Variants in E2F8 observed in about 807,000 individuals in gnomAD.
E2F8 encodes the protein transcription factor E2F8.
Under a neutral mutation model 80.8 loss-of-function variants are expected in E2F8, and 35 were observed. The ratio of observed to expected loss-of-function variants is 0.43; its 90% CI spans 0.33 to 0.57. The LOEUF (loss-of-function observed/expected upper bound fraction) is 0.57. Ranked by LOEUF, E2F8 falls within the 20% of genes least tolerant of loss-of-function variation. The probability of loss-of-function intolerance (pLI) is 0.04; values close to 1 mark genes in which losing one functional copy is unlikely to be tolerated. For missense variants in E2F8, 975 were observed against 1,056.2 expected, an observed-to-expected ratio of 0.92 and a Z score of 1.07; for synonymous variants, 386 against 395.0, an observed-to-expected ratio of 0.98 and a Z score of 0.27.
In E2F8 at chr11:19,238,153, A is replaced by G. The variant is rs764600670; in HGVS notation, c.16-21T>C. ...TTTTCCTGGTTTAAAAAATGTAAAT[A>G]ATTAAATCCATGGTAAAACAGGATT... On this transcript the variant is annotated intron_variant, in intron 2 of 12. Transcript: ENST00000250024. 1.9e-6 allele frequency: 3 copies of G among 1,589,206 alleles called. No individual in the cohort carries two copies. In the South Asian group the frequency reaches 3.5e-5, roughly 18 times the overall value.
At position 19,229,849 on chromosome 11, in the gene E2F8, T is replaced by A. The variant is rs1851328966; in HGVS notation, c.1498A>T (p.Ile500Phe). 1 of 1,613,752 alleles carries A rather than the reference T, an allele frequency of 6.2e-7. No homozygotes were observed. The highest frequency in any genetic ancestry group is 1.7e-5 in the Admixed American group (1 of 59,968). The change falls in exon 10 of 13, where the codon ATC (isoleucine) becomes TTC (phenylalanine). Residue 500 changes from isoleucine (I) to phenylalanine (F), a missense_variant. Ile to Phe is a conservative substitution (Grantham distance 21, BLOSUM62 0). Coordinates refer to ENST00000250024, the MANE Select transcript of E2F8 (RefSeq NM_024680.4). This position sits in a 1 kb window ranked among gnomAD's most constrained non-coding sequence, Gnocchi z 4.3. ...ACTGCTGATGACAAGGGGCTGGGGA[T>A]CAGGGGAACCATTCCCAGGGGCTGG... is the stretch of plus-strand genomic sequence containing the variant. ...LIQPLGMVPL[I>F]PSPLSSAVPL...
At position 19,224,614 on chromosome 11, in the gene E2F8, T is replaced by C; in HGVS notation, c.*44A>G. On this transcript the variant is annotated 3_prime_UTR_variant, in exon 13 of 13. Coordinates refer to ENST00000250024, the MANE Select transcript of E2F8 (RefSeq NM_024680.4). Reference sequence around the variant, plus strand: ...AATCAGTCTGTGTACATTTTCTCTATTAAACAACTCTTTAGAAAATTAAAC... The same window carrying C: ...AATCAGTCTGTGTACATTTTCTCTACTAAACAACTCTTTAGAAAATTAAAC... The C allele has an allele frequency of 1.3e-6, 2 of 1,596,802 alleles. No individual in the cohort carries two copies. The highest frequency in any genetic ancestry group is 1.7e-6 in the Non-Finnish European group (2 of 1,166,884).
intron 1 of E2F8, 54 bp from the exon 2 acceptor site, chr11:19,240,284 CT>C (rs376301780): frequency 2.4e-6 from 1 of 408,784 alleles, no homozygotes; most frequent in Non-Finnish European, 4.4e-6. Context: ...ACCAAAAGAT[CT>C]GTTGAAAATT....
At chr11:19,236,383 T>C (rs915949913) in intron 4 of E2F8, among the ~76,000 whole-genome samples, 2 of 152,244 alleles carry the variant, frequency 1.3e-5, no homozygotes, top group Non-Finnish European at 2.9e-5. Flanking sequence ...TAGCATGTAT[T>C]ATCCTTACTT....
In E2F8 at chr11:19,234,423, C is replaced by A. The variant is rs1053711982; in HGVS notation, c.865G>T (p.Val289Phe). 1.2e-6 allele frequency: 2 copies of A among 1,614,076 alleles called. No individual in the cohort carries two copies. Among genetic ancestry groups the A allele is most frequent in the African/African-American group, 2.7e-5 (2 of 74,938 alleles). ...TCCCCAATTAAAATCTTGGCAGCAA[C>A]TTCTAGGCTTACTATCTGAGGCGTT... ...VSTPQIVSLE[V>F]AAKILIGEDH... is the part of the protein sequence containing the mutation. The change falls in exon 6 of 13, where the codon GTT becomes TTT. Residue 289 changes from valine (V) to phenylalanine (F), a missense_variant. Transcript: ENST00000250024.
chr11:19,237,853 C>A lies in E2F8; in HGVS notation c.294+1G>T. On this transcript the variant is annotated splice_donor_variant, in intron 3 of 12. Coordinates refer to ENST00000250024, the MANE Select transcript of E2F8 (RefSeq NM_024680.4). LOFTEE classifies it high-confidence loss of function. ...CTCCAACCAGTCCTCTGAAAACCTA[C>A]GTGTATACAGTCTTTGGCCTCAGGT... 1 of 1,611,650 alleles carries A rather than the reference C, an allele frequency of 6.2e-7. No individual in the cohort carries two copies. The highest frequency in any genetic ancestry group is 8.5e-7 in the Non-Finnish European group (1 of 1,178,428).
Position 19,229,575 on chromosome 11 carries a change from G to A in E2F8, c.1772C>T (p.Ala591Val), listed in dbSNP as rs756977953. ...AGCTGGCTCCCTGGTTCGGCTCTTT[G>A]CCCCTTGCCTCTCTGGTGCTGGCAG... ...SLLPAPERQGAKSRTREPAGE... is the reference protein window; with the variant it reads ...SLLPAPERQGVKSRTREPAGE... Residue 591 changes from alanine (A) to valine (V), a missense_variant, in exon 10 of 13, where the codon GCA (alanine) becomes GTA (valine). Transcript: ENST00000250024. This position sits in a 1 kb window ranked among gnomAD's most constrained non-coding sequence, Gnocchi z 4.3. The A allele has an allele frequency of 3.1e-6, 5 of 1,614,146 alleles. No homozygotes were observed. The highest frequency in any genetic ancestry group is 4.2e-6 in the Non-Finnish European group (5 of 1,180,022).
At chr11:19,239,681 C>T (rs771091968) in intron 2 of E2F8, among the ~76,000 whole-genome samples, 2 of 149,758 alleles carry the variant, frequency 1.3e-5, no homozygotes, top group East Asian at 2.0e-4. Flanking sequence ...ATGAAACTAA[C>T]GAATTTTTGA....
At position 19,238,130 on chromosome 11, in the gene E2F8, T is replaced by C. The variant is rs1299532157; in HGVS notation, c.18A>G (p.Glu6=). 1 of 1,599,506 alleles carries C rather than the reference T, an allele frequency of 6.3e-7. No individual in the cohort carries two copies. The highest frequency in any genetic ancestry group is 1.8e-5 in the Admixed American group (1 of 56,556). ...TTTTATGTGGCTCACAAAAGAGATT[T>C]TCCTGGTTTAAAAAATGTAAATAAT... MENEK[E]NLFCEPHKRG... Residue 6 remains glutamate, a splice_region_variant and synonymous_variant, in exon 3 of 13, where the codon GAA becomes GAG. Transcript: ENST00000250024.
At chr11:19,240,326 G>A (rs557762255) in intron 1 of E2F8, 96 bp from the exon 2 acceptor site, 5 of 357,896 alleles carry the variant, frequency 1.4e-5, no homozygotes, top group African/African-American at 4.2e-5. Flanking sequence ...CGGAAACAAA[G>A]CCTAACGAAA....
Position 19,232,334 on chromosome 11 carries a change from C to T in E2F8, c.966G>A (p.Leu322=), listed in dbSNP as rs1851404582. ...IRRLYDIANV[L]SSLDLIKKVH... is the part of the protein sequence containing the mutation. ...CTTTCTTGATAAGATCCAGGCTACT[C>T]AGAACATTAGCTATATCATACAACC... Residue 322 remains leucine (L), a synonymous_variant, in exon 7 of 13, where the codon CTG becomes CTA. Coordinates refer to ENST00000250024, the MANE Select transcript of E2F8 (RefSeq NM_024680.4). 2 of 1,614,002 alleles carry T rather than the reference C, an allele frequency of 1.2e-6. No homozygotes were observed. Among genetic ancestry groups the T allele is most frequent in the Non-Finnish European group, 1.7e-6 (2 of 1,179,974 alleles).
At position 19,225,540 on chromosome 11, in the gene E2F8, A is replaced by G. The variant is rs1354267747; in HGVS notation, c.2102T>C (p.Met701Thr). 1.4e-5 allele frequency: 23 copies of G among 1,614,242 alleles called. No homozygotes were observed. Among genetic ancestry groups the G allele is most frequent in the Middle Eastern group, 1.6e-4 (1 of 6,062 alleles). Residue 701 changes from methionine to threonine, a missense_variant, in exon 12 of 13, where the codon ATG becomes ACG. Transcript: ENST00000250024. ...GGCTGCCACGGAAGTTGGTGAGACC[A>G]TTAGCTTCAACGGTGTTACATGAAA... The part of the protein sequence containing the change: ...PSFHVTPLKL[M>T]VSPTSVAAVP...
At chr11:19,234,602 A>G (rs1851464031) in intron 5 of E2F8, 81 bp from the exon 6 acceptor site, 1 of 1,564,446 alleles carries the variant, frequency 6.4e-7, no homozygotes, top group Non-Finnish European at 8.7e-7. Context: ...TAAAAATACT[A>G]CCACCTGATC....
At chr11:19,232,143 C>G in intron 7 of E2F8, 91 bp downstream of exon 7, 1 of 1,533,710 alleles carries the variant, frequency 6.5e-7, no homozygotes, top group Non-Finnish European at 8.8e-7. Flanking sequence ...CACATGGACA[C>G]AGGGAGGGGA....
In E2F8 at chr11:19,224,568, T is replaced by G; in HGVS notation, c.*90A>C. On this transcript the variant is annotated 3_prime_UTR_variant, in exon 13 of 13. Coordinates refer to ENST00000250024, the MANE Select transcript of E2F8 (RefSeq NM_024680.4). ...CAAATCCCCAACGTATTTACAGTAT[T>G]TTCAGAGAATGTGTTCTCCAAATCA... 1 of 1,376,752 alleles carries G rather than the reference T, an allele frequency of 7.3e-7. No individual in the cohort carries two copies. Among genetic ancestry groups the G allele is most frequent in the East Asian group, 2.4e-5 (1 of 42,468 alleles). 85.3% of individuals were successfully genotyped at this position (1,376,752 alleles called of 1,614,324 possible).
At chr11:19,225,150 A>T in intron 12 of E2F8, 71 bp downstream of exon 12, 1 of 1,536,448 alleles carries the variant, frequency 6.5e-7, no homozygotes, top group African/African-American at 1.4e-5. Context: ...GCAAAAGCCA[A>T]TCTCTTATGA....
intron 2 of E2F8, among the ~76,000 whole-genome samples, chr11:19,238,599 T>C (rs895544579): frequency 1.3e-5 from 2 of 152,220 alleles, no homozygotes; most frequent in Non-Finnish European, 2.9e-5. Context: ...GAAATTCTTA[T>C]CCACCTAGCA....
In E2F8 at chr11:19,237,312, A is replaced by T; in HGVS notation, c.451+2T>A. The stretch of plus-strand genomic sequence containing the variant: ...CTTTCAGTGAGTTCTTTGCATACTT[A>T]CTAAGTTCCTCTGCCACTTCGTCAA... On this transcript the variant is annotated splice_donor_variant, in intron 4 of 12. Transcript: ENST00000250024. LOFTEE classifies it high-confidence loss of function. 1 of 1,613,972 alleles carries T rather than the reference A, an allele frequency of 6.2e-7. No individual in the cohort carries two copies. Among genetic ancestry groups the T allele is most frequent in the Non-Finnish European group, 8.5e-7 (1 of 1,179,966 alleles).
chr11:19,236,747 C>A (rs1434441865), intron 4 of E2F8, among the ~76,000 whole-genome samples: 1 of 152,208 alleles, frequency 6.6e-6, no homozygotes, highest in Non-Finnish European at 1.5e-5. Flanking sequence ...ACCCACATGA[C>A]TCCAAAGGTA....
Sources: allele counts gnomAD v4.1 joint callset (sites outside exome capture counted in the v4.1 genomes callset), GRCh38; gene constraint gnomAD v4.1.1; non-coding constraint Gnocchi (gnomAD v3.1); transcripts MANE v1.5; gene names NCBI Gene and HGNC (gene_info 2026-07-23, HGNC 2026-07-21).